ASIC2: variants seen among roughly 807,000 people sequenced by gnomAD.
ASIC2 encodes acid-sensing ion channel 2.
ASIC2 carries 25 observed loss-of-function variants against 57.3 expected under a neutral mutation model. The ratio of observed to expected loss-of-function variants is 0.44; its 90% confidence interval spans 0.32 to 0.61. The LOEUF (loss-of-function observed/expected upper bound fraction) is 0.61. ASIC2 is among the 20% of genes least tolerant of loss of function. The pLI is 0.06. For synonymous variants in ASIC2, 319 were observed against 307.5 expected (o/e 1.04, Z -0.39); for missense variants, 641 against 738.1 (o/e 0.87, Z 1.52).
chr17:33,217,370 T>TA (rs1907530653), intron 1 of ASIC2, among the ~76,000 whole-genome samples: 1 of 152,236 alleles, frequency 6.6e-6, no homozygotes, highest in Non-Finnish European at 1.5e-5. Flanking sequence ...TATTGTGATT[T>TA]GCTTTTGTAT....
At chr17:33,905,141 C>CTTTTTTTTT (rs57064859) in intron 1 of ASIC2, among the ~76,000 whole-genome samples, 2 of 87,856 alleles carry the variant, frequency 2.3e-5, no homozygotes, top group Non-Finnish European at 2.2e-5. Flanking sequence ...TAGTTTAAGG[C>CTTTTTTTTT]TTTTTTTTTT....
chr17:33,433,787 C>G (rs67133993), intron 1 of ASIC2, among the ~76,000 whole-genome samples: 25,833 of 151,920 alleles, frequency 0.17, 2,305 homozygotes, highest in East Asian at 0.25. Flanking sequence ...AAAAAAACCC[C>G]TAGGTGACGA....
At chr17:34,039,309 A>G in intron 1 of ASIC2, 1 of 1,613,978 alleles carries the variant, frequency 6.2e-7, no homozygotes, top group Non-Finnish European at 8.5e-7. Flanking sequence ...CTGTGTTGCC[A>G]GATCCCGTAG....
At chr17:33,771,816 C>T (rs1211804805) in intron 1 of ASIC2, among the ~76,000 whole-genome samples, 2 of 152,150 alleles carry the variant, frequency 1.3e-5, no homozygotes, top group African/African-American at 2.4e-5. Context: ...GGGATCAAAT[C>T]GTGGTAATTA....
chr17:33,816,187 T>G (rs1258420377), intron 1 of ASIC2, among the ~76,000 whole-genome samples: 5 of 143,544 alleles, frequency 3.5e-5, no homozygotes, highest in South Asian at 2.4e-4. Context: ...GCGGGTGGGG[T>G]AGAGAAAGTT....
chr17:33,572,441 T>C (rs1038164103), intron 1 of ASIC2: 2 of 152,248 alleles, frequency 1.3e-5, no homozygotes, highest in African/African-American at 2.4e-5. Context: ...GGCCGGGTTA[T>C]GGCAGAGCTG....
At chr17:33,111,894 C>T (rs1260252264) in intron 2 of ASIC2, 23 bp downstream of exon 2, 4 of 1,598,556 alleles carry the variant, frequency 2.5e-6, no homozygotes, top group Non-Finnish European at 3.4e-6. Flanking sequence ...TCACCCAATG[C>T]CCGGTCCCTG....
intron 1 of ASIC2, among the ~76,000 whole-genome samples, chr17:33,956,444 C>T (rs1416959142): frequency 6.6e-6 from 1 of 152,158 alleles, no homozygotes; most frequent in African/African-American, 2.4e-5. Flanking sequence ...GTCACGGAAG[C>T]TCTGAACCCA....
chr17:33,416,358 T>C (rs911636771), intron 1 of ASIC2, among the ~76,000 whole-genome samples: 1 of 152,228 alleles, frequency 6.6e-6, no homozygotes, highest in African/African-American at 2.4e-5. Context: ...CCACACTTCC[T>C]CTTTTTTCGA....
intron 1 of ASIC2, among the ~76,000 whole-genome samples, chr17:33,593,237 G>T (rs1039419178): frequency 2.0e-5 from 3 of 152,154 alleles, no homozygotes; most frequent in African/African-American, 7.2e-5. Flanking sequence ...GATGTCCATG[G>T]AACATCTGGC....
chr17:33,361,075 A>G (rs1350714106), intron 1 of ASIC2, among the ~76,000 whole-genome samples: 1 of 152,214 alleles, frequency 6.6e-6, no homozygotes, highest in Non-Finnish European at 1.5e-5. Flanking sequence ...GTTGGTCTTC[A>G]GTCCTTTGGG....
At position 33,622,580 on chromosome 17, in the gene ASIC2, T is replaced by C. The variant is rs1905836394; in HGVS notation, c.556-510513A>G. Reference sequence around the variant, plus strand: ...TCTGGAGGCAAAATGGCAACTAAGCTATGTGTCTTTAGACAAGTTTATTTA... The same window carrying C: ...TCTGGAGGCAAAATGGCAACTAAGCCATGTGTCTTTAGACAAGTTTATTTA... On this transcript the variant is annotated intron_variant, in intron 1 of 9. Coordinates refer to the ASIC2 transcript ENST00000359872. Among the ~76,000 whole-genome samples the C allele has an allele frequency of 2.0e-5, 3 of 152,314 alleles. No individual in the cohort carries two copies. The South Asian group carries it at 6.2e-4, about 32-fold the overall frequency.
chr17:33,501,370 G>A (rs529411575), intron 1 of ASIC2, among the ~76,000 whole-genome samples: 9 of 152,286 alleles, frequency 5.9e-5, no homozygotes, highest in African/African-American at 2.2e-4. Flanking sequence ...TACAGACAGG[G>A]AAACTGGAAA....
chr17:33,599,416 TAGG>T (rs1262350017), intron 1 of ASIC2, among the ~76,000 whole-genome samples: 1 of 152,124 alleles, frequency 6.6e-6, no homozygotes, highest in Non-Finnish European at 1.5e-5. Flanking sequence ...TCAGGACATG[TAGG>T]AGGCTGCCTT....
chr17:33,766,875 T>C (rs1236320476), intron 1 of ASIC2, among the ~76,000 whole-genome samples: 4 of 152,262 alleles, frequency 2.6e-5, no homozygotes, highest in Admixed American at 6.5e-5. Context: ...CCTCATTTAC[T>C]TTTATTTGTC....
intron 1 of ASIC2, among the ~76,000 whole-genome samples, chr17:34,050,696 A>C (rs1908525036): frequency 6.6e-6 from 1 of 152,230 alleles, no homozygotes; most frequent in Non-Finnish European, 1.5e-5. Context: ...CCGAACCTCA[A>C]GCAGCTTATA....
intron 1 of ASIC2, among the ~76,000 whole-genome samples, chr17:33,928,299 C>T (rs979819817): frequency 6.6e-6 from 1 of 152,176 alleles, no homozygotes; most frequent in Non-Finnish European, 1.5e-5. Flanking sequence ...CTCTTCCCAC[C>T]AGCATAGTGT....
At chr17:33,645,420 C>T (rs1170568631) in intron 1 of ASIC2, among the ~76,000 whole-genome samples, 4 of 152,174 alleles carry the variant, frequency 2.6e-5, no homozygotes, top group African/African-American at 9.6e-5. Flanking sequence ...CATAAAGCAA[C>T]ATTAAAACAA....
At chr17:33,140,264 G>A (rs1026780399) in intron 1 of ASIC2, among the ~76,000 whole-genome samples, 3 of 152,342 alleles carry the variant, frequency 2.0e-5, no homozygotes, top group Non-Finnish European at 4.4e-5. Flanking sequence ...CACTGCACAT[G>A]CTCTGAAGAC....
Sources: allele counts gnomAD v4.1 joint callset (sites outside exome capture counted in the v4.1 genomes callset), GRCh38; gene constraint gnomAD v4.1.1; transcripts MANE v1.5; gene names NCBI Gene and HGNC (gene_info 2026-07-23, HGNC 2026-07-21).